Variants in NRTN observed in about 807,000 individuals in gnomAD.
NRTN encodes neurturin.
Under a neutral mutation model 7.5 loss-of-function variants are expected in NRTN, and 3 were observed. That is an observed-to-expected ratio of 0.40 (90% confidence interval 0.18 to 1.03). The LOEUF (loss-of-function observed/expected upper bound fraction) is 1.03, where lower values mean the gene tolerates loss of function less well. NRTN is among the 50% of genes least tolerant of loss of function. The probability of loss-of-function intolerance (pLI) is 0.34; values close to 1 mark genes in which losing one functional copy is unlikely to be tolerated. For missense variants in NRTN, 310 were observed against 307.0 expected (o/e 1.01, Z -0.07); for synonymous variants, 157 against 146.6 (o/e 1.07, Z -0.51).
intron 2 of NRTN, among the ~76,000 whole-genome samples, chr19:5,826,743 G>A (rs1288329376): frequency 6.6e-6 from 1 of 152,198 alleles, no homozygotes; most frequent in African/African-American, 2.4e-5. Context: ...CTCTCCCGGG[G>A]CTTCCGAGTT....
intron 1 of NRTN, among the ~76,000 whole-genome samples, chr19:5,809,869 C>T (rs1315120777): frequency 1.3e-5 from 2 of 152,148 alleles, no homozygotes; most frequent in Non-Finnish European, 2.9e-5. Context: ...TAACACAGGC[C>T]AGCGGGTTCC....
Position 5,827,756 on chromosome 19 carries a change from A to G in NRTN, c.177A>G (p.Ala59=). 1 of 1,164,814 alleles carries G rather than the reference A, an allele frequency of 8.6e-7. No homozygotes were observed. Among genetic ancestry groups the G allele is most frequent in the Non-Finnish European group, 1.1e-6 (1 of 945,550 alleles). 72.2% of individuals were successfully genotyped at this position (1,164,814 alleles called of 1,614,324 possible). The change falls in exon 3 of 3, where the codon GCA becomes GCG. Residue 59 remains alanine, a synonymous_variant. Coordinates refer to ENST00000303212, the MANE Select transcript of NRTN (RefSeq NM_004558.5). Reference sequence around the variant, plus strand: ...CTCTTCCTCCCCTCGCAGACCGTGCACTCCTGCAGGGGGCCCCGGATGCGA... The same window carrying G: ...CTCTTCCTCCCCTCGCAGACCGTGCGCTCCTGCAGGGGGCCCCGGATGCGA... The part of the protein sequence containing the change: ...ARIARLAQYR[A]LLQGAPDAME...
intron 1 of NRTN, among the ~76,000 whole-genome samples, chr19:5,811,396 G>C (rs2056990206): frequency 6.6e-6 from 1 of 152,172 alleles, no homozygotes; most frequent in African/African-American, 2.4e-5. Flanking sequence ...ATCTGAGCAA[G>C]TTACTTCACT....
chr19:5,822,961 C>T (rs1269710220), intron 1 of NRTN, among the ~76,000 whole-genome samples: 1 of 151,392 alleles, frequency 6.6e-6, no homozygotes, highest in Non-Finnish European at 1.5e-5. Flanking sequence ...GAGGTGGAGG[C>T]TGCAGTGAGC....
intron 2 of NRTN, 105 bp downstream of exon 2, chr19:5,824,439 TAGGGCCAGCCAGCCCCCTTGCAGGGAGGC>T: frequency 7.1e-7 from 1 of 1,402,670 alleles, no homozygotes; most frequent in Non-Finnish European, 9.7e-7. Flanking sequence ...TTTTTAAAGA[TAGGGCCAGCCAGCCCCCTTGCAGGGAGGC>T]AGGGACAGAC....
intron 1 of NRTN, among the ~76,000 whole-genome samples, chr19:5,819,766 T>C (rs2057016951): frequency 1.3e-5 from 2 of 150,764 alleles, no homozygotes; most frequent in Admixed American, 6.6e-5. Flanking sequence ...GAGGATCACC[T>C]GAGCTGGGTA....
Position 5,824,298 on chromosome 19 carries a change from C to G in NRTN, c.133C>G (p.Arg45Gly), listed in dbSNP as rs2057037367. Residue 45 changes from arginine (R) to glycine (G), a missense_variant, in exon 2 of 3, where the codon CGA becomes GGA. Coordinates refer to ENST00000303212, the MANE Select transcript of NRTN (RefSeq NM_004558.5). ...GCTGGTCCCCCTGCACCGCCTGCCT[C>G]GAACCCTGGACGCCCGGATTGCCCG... is the stretch of plus-strand genomic sequence containing the variant. ...PALVPLHRLP[R>G]TLDARIARLA... 6.2e-6 allele frequency: 10 copies of G among 1,608,646 alleles called. No homozygotes were observed. The highest frequency in any genetic ancestry group is 7.6e-6 in the Non-Finnish European group (9 of 1,178,822).
chr19:5,812,345 C>T (rs1246119942), intron 1 of NRTN, among the ~76,000 whole-genome samples: 1 of 152,134 alleles, frequency 6.6e-6, no homozygotes, highest in African/African-American at 2.4e-5. Context: ...CCCAGGGTAG[C>T]AGGAAGCCAG....
At chr19:5,819,274 C>T (rs908363746) in intron 1 of NRTN, among the ~76,000 whole-genome samples, 13 of 152,194 alleles carry the variant, frequency 8.5e-5, no homozygotes, top group Non-Finnish European at 1.9e-4. Flanking sequence ...TGCCTGTAAT[C>T]CCAGCACTTT....
intron 1 of NRTN, among the ~76,000 whole-genome samples, chr19:5,811,678 G>A: frequency 6.6e-6 from 1 of 151,384 alleles, no homozygotes; most frequent in Non-Finnish European, 1.5e-5. Context: ...GACTGGTGGA[G>A]TGCACCACCA....
At chr19:5,810,853 C>G (rs1180405984) in intron 1 of NRTN, among the ~76,000 whole-genome samples, 1 of 151,792 alleles carries the variant, frequency 6.6e-6, no homozygotes, top group Non-Finnish European at 1.5e-5. Flanking sequence ...CGCTTGAACC[C>G]AGGAGGCAGA....
In NRTN at chr19:5,828,235, C is replaced by T; in HGVS notation, c.*62C>T. ...CCGCCTCGACGGCACCACTGGCCGG[C>T]CCCGCGAAAGACTGCGCGTGCGTAG... On this transcript the variant is annotated 3_prime_UTR_variant, in exon 3 of 3. Coordinates refer to ENST00000303212, the MANE Select transcript of NRTN (RefSeq NM_004558.5). 1 of 1,509,244 alleles carries T rather than the reference C, an allele frequency of 6.6e-7. No individual in the cohort carries two copies. The highest frequency in any genetic ancestry group is 1.4e-5 in the African/African-American group (1 of 71,612). The allele number at this position is 1,509,244 out of a possible 1,614,324, so 93.5% of individuals were successfully genotyped here. A position where few individuals can be genotyped will look rare whatever the true frequency, so the allele number is the denominator to read the frequency against.
Position 5,827,823 on chromosome 19 carries a change from G to A in NRTN, c.244G>A (p.Gly82Ser), listed in dbSNP as rs1223402382. ...ELTPWAGRPP[G>S]PRRRAGPRRR... ...GACGCCCTGGGCTGGGCGGCCCCCAGGTCCGCGCCGTCGGGCGGGGCCCCG... is the reference window on the plus strand; with the variant it reads ...GACGCCCTGGGCTGGGCGGCCCCCAAGTCCGCGCCGTCGGGCGGGGCCCCG... The change falls in exon 3 of 3, where the codon GGT (glycine) becomes AGT (serine). Residue 82 changes from glycine (G) to serine (S), a missense_variant. By Grantham distance (56) the Gly-to-Ser change is moderately conservative. Coordinates refer to ENST00000303212, the MANE Select transcript of NRTN (RefSeq NM_004558.5). 6.9e-6 allele frequency: 8 copies of A among 1,167,052 alleles called. No individual in the cohort carries two copies. The highest frequency in any genetic ancestry group is 8.4e-6 in the Non-Finnish European group (8 of 948,840). 72.3% of individuals were successfully genotyped at this position (1,167,052 alleles called of 1,614,324 possible). A position where few individuals can be genotyped will look rare whatever the true frequency, so the allele number is the denominator to read the frequency against.
At chr19:5,812,529 C>T (rs1222364606) in intron 1 of NRTN, among the ~76,000 whole-genome samples, 1 of 152,236 alleles carries the variant, frequency 6.6e-6, no homozygotes, top group Admixed American at 6.5e-5. Context: ...GACGCAGTAT[C>T]GGAACCAGCT....
chr19:5,824,164 G>A lies in NRTN; in HGVS notation c.-2G>A, dbSNP rs781201793. On this transcript the variant is annotated 5_prime_UTR_variant, in exon 2 of 3. Transcript: ENST00000303212. ...TGACCATCCCGTGCCCGCAGGCTGA[G>A]GATGCAGCGCTGGAAGGCGGCGGCC... 51 of 1,607,118 alleles carry A rather than the reference G, an allele frequency of 3.2e-5. No homozygotes were observed. The highest frequency in any genetic ancestry group is 4.0e-5 in the African/African-American group (3 of 74,908).
intron 2 of NRTN, among the ~76,000 whole-genome samples, chr19:5,825,550 T>C (rs940978761): frequency 5.9e-5 from 9 of 152,172 alleles, no homozygotes; most frequent in Admixed American, 2.0e-4. Context: ...CGGCGTGAAG[T>C]CCTTCCTAGG....
intron 1 of NRTN, among the ~76,000 whole-genome samples, chr19:5,815,651 G>T (rs1488191174): frequency 6.6e-6 from 1 of 151,654 alleles, no homozygotes; most frequent in South Asian, 2.1e-4. Context: ...GGCCAGGCTG[G>T]TCTCAAATTC....
At chr19:5,809,781 T>C (rs563413729) in intron 1 of NRTN, among the ~76,000 whole-genome samples, 16 of 152,098 alleles carry the variant, frequency 1.1e-4, no homozygotes, top group Non-Finnish European at 2.2e-4. Context: ...ATCTCGTACC[T>C]CCCTGGGTCT....
intron 2 of NRTN, among the ~76,000 whole-genome samples, chr19:5,824,617 C>CA (rs1381620218): frequency 2.6e-5 from 4 of 152,066 alleles, no homozygotes; most frequent in African/African-American, 9.7e-5. Context: ...GCCATCTCTA[C>CA]AAAAAACTTC....
Sources: gnomAD v4.1 joint callset for allele counts (sites outside exome capture counted in the v4.1 genomes callset) on GRCh38, gnomAD v4.1.1 for gene constraint, MANE v1.5 for transcripts, NCBI Gene and HGNC (gene_info 2026-07-23, HGNC 2026-07-21) for gene names.